The following AGBL1 variants were observed in gnomAD, a reference collection of about 807,000 sequenced individuals.
The protein encoded by AGBL1 is cytosolic carboxypeptidase 4.
AGBL1 carries 130 observed loss-of-function variants against 118.9 expected under a neutral mutation model. The observed-to-expected ratio is 1.09, with a 90% CI of 0.95 to 1.26. The LOEUF is 1.26. Ranked by LOEUF, AGBL1 falls within the 50% of genes most tolerant of loss-of-function variation. The pLI is 0.00. For synonymous variants in AGBL1, 555 were observed against 478.9 expected, an observed-to-expected ratio of 1.16 and a Z score of -2.08; for missense variants, 1,584 against 1,298.1, an observed-to-expected ratio of 1.22 and a Z score of -3.38.
At position 86,814,718 on chromosome 15, in the gene AGBL1, G is replaced by A. The variant is rs149824008; in HGVS notation, c.3159-92369G>A. Among the ~76,000 whole-genome samples the A allele has an allele frequency of 2.0e-5, 3 of 152,248 alleles. No homozygotes were observed. In the East Asian group the frequency reaches 5.8e-4, roughly 30 times the overall value. ...ATATCAGGCCAACATCCAGGGAAAGGTCTAGGTTTATTTTAGTCCTCGAGG... is the reference window on the plus strand; with the variant it reads ...ATATCAGGCCAACATCCAGGGAAAGATCTAGGTTTATTTTAGTCCTCGAGG... On this transcript the variant is annotated intron_variant, in intron 22 of 22. Transcript: ENST00000614907.
intron 22 of AGBL1, among the ~76,000 whole-genome samples, chr15:86,692,938 T>TTGTTCCTTTTTATGGAACAAATTAATA (rs2086197462): frequency 6.6e-6 from 1 of 152,190 alleles, no homozygotes; most frequent in Non-Finnish European, 1.5e-5. Context: ...TGCCATTAAT[T>TTGTTCCTTTTTATGGAACAAATTAATA]TGTTCCTTTT....
chr15:86,925,186 G>GAAGAGGAAGAA (rs1555463597), intron 23 of AGBL1, among the ~76,000 whole-genome samples: 14,377 of 137,716 alleles, frequency 0.1, 1,236 homozygotes, highest in South Asian at 0.21. Context: ...AGAGGAAGAG[G>GAAGAGGAAGAA]AAGAAAAGAA....
At chr15:86,454,463 G>A (rs556250176) in intron 18 of AGBL1, among the ~76,000 whole-genome samples, 8 of 152,202 alleles carry the variant, frequency 5.3e-5, no homozygotes, top group Admixed American at 3.9e-4. Context: ...CATAGCAGTT[G>A]TACTCATAAT....
chr15:86,277,318 ATGTGTGTGTGTG>A (rs5814232), intron 15 of AGBL1, among the ~76,000 whole-genome samples: 1 of 147,692 alleles, frequency 6.8e-6, no homozygotes, highest in Non-Finnish European at 1.5e-5. Flanking sequence ...GTGTGTGTGT[ATGTGTGTGTGTG>A]TGTGTGTGTA....
At chr15:86,224,531 A>G (rs966180774) in intron 5 of AGBL1, among the ~76,000 whole-genome samples, 2 of 152,120 alleles carry the variant, frequency 1.3e-5, no homozygotes, top group Non-Finnish European at 2.9e-5. Flanking sequence ...ACTCCTTCCC[A>G]GACCATCCTC....
At chr15:86,842,657 T>C (rs2079262109) in intron 22 of AGBL1, among the ~76,000 whole-genome samples, 1 of 152,186 alleles carries the variant, frequency 6.6e-6, no homozygotes, top group Admixed American at 6.5e-5. Context: ...GTATGCTTCA[T>C]GCTGGTGGGC....
intron 20 of AGBL1, among the ~76,000 whole-genome samples, chr15:86,546,575 C>A (rs2346724): frequency 6.6e-6 from 1 of 151,874 alleles, no homozygotes; most frequent in African/African-American, 2.4e-5. Flanking sequence ...ATACTGAATA[C>A]AAAAGGACTT....
intron 24 of AGBL1, among the ~76,000 whole-genome samples, chr15:87,019,260 A>G (rs1163950583): frequency 6.6e-6 from 1 of 152,284 alleles, no homozygotes; most frequent in Middle Eastern, 3.4e-3. Flanking sequence ...TCGGCTCTGG[A>G]TCAAGTGGAC....
At chr15:86,273,052 C>G (rs1401417987) in intron 15 of AGBL1, among the ~76,000 whole-genome samples, 1 of 152,190 alleles carries the variant, frequency 6.6e-6, no homozygotes, top group Non-Finnish European at 1.5e-5. Context: ...AATAGTTATT[C>G]TCAGTAAATC....
At chr15:86,962,020 A>T (rs1036678853) in intron 23 of AGBL1, among the ~76,000 whole-genome samples, 7 of 152,084 alleles carry the variant, frequency 4.6e-5, no homozygotes, top group Non-Finnish European at 1.0e-4. Context: ...ACACTAAACA[A>T]ATCTCTTGTG....
At chr15:86,646,792 G>A (rs1239576710) in intron 21 of AGBL1, among the ~76,000 whole-genome samples, 1 of 152,148 alleles carries the variant, frequency 6.6e-6, no homozygotes, top group East Asian at 1.9e-4. Flanking sequence ...AAAATGGAAC[G>A]ATTCTGCCTT....
At chr15:86,757,506 G>C (rs2141265055) in intron 22 of AGBL1, among the ~76,000 whole-genome samples, 1 of 152,160 alleles carries the variant, frequency 6.6e-6, no homozygotes, top group South Asian at 2.1e-4. Context: ...GGCACTATTG[G>C]GAAGGATTTA....
chr15:86,335,332 G>T (rs1289768728), intron 17 of AGBL1, among the ~76,000 whole-genome samples: 1 of 152,056 alleles, frequency 6.6e-6, no homozygotes, highest in African/African-American at 2.4e-5. Context: ...TAGAGATGGG[G>T]TTTCACTGTG....
chr15:86,132,799 C>T (rs1425040434), intron 1 of AGBL1, among the ~76,000 whole-genome samples: 1 of 152,076 alleles, frequency 6.6e-6, no homozygotes, highest in Non-Finnish European at 1.5e-5. Flanking sequence ...GCAATCTCAC[C>T]CTCTTGAGAT....
intron 23 of AGBL1, among the ~76,000 whole-genome samples, chr15:86,929,154 T>C (rs1294188873): frequency 6.6e-6 from 1 of 152,176 alleles, no homozygotes; most frequent in East Asian, 1.9e-4. Context: ...TCTTTCCTAT[T>C]TGGTTTTCAT....
At chr15:86,343,562 T>A (rs775823322) in intron 17 of AGBL1, among the ~76,000 whole-genome samples, 1 of 152,164 alleles carries the variant, frequency 6.6e-6, no homozygotes, top group Non-Finnish European at 1.5e-5. Flanking sequence ...AGATGCCTCA[T>A]GGTAGAGTGG....
intron 21 of AGBL1, among the ~76,000 whole-genome samples, chr15:86,594,954 G>A (rs548508666): frequency 8.6e-5 from 13 of 152,042 alleles, no homozygotes; most frequent in Non-Finnish European, 1.8e-4. Flanking sequence ...TATGTCTTTC[G>A]TCCTTGTTTC....
At chr15:86,357,390 C>T (rs753530167) in intron 17 of AGBL1, among the ~76,000 whole-genome samples, 10 of 152,084 alleles carry the variant, frequency 6.6e-5, no homozygotes, top group East Asian at 1.9e-4. Flanking sequence ...ATAGAATTGG[C>T]GCAACATTGG....
chr15:86,617,283 A>C (rs976891944), intron 21 of AGBL1, among the ~76,000 whole-genome samples: 2 of 152,216 alleles, frequency 1.3e-5, no homozygotes, highest in African/African-American at 4.8e-5. Flanking sequence ...TCGATAGCCA[A>C]CAATAATATT....
Sources: allele counts gnomAD v4.1 joint callset (sites outside exome capture counted in the v4.1 genomes callset), GRCh38; gene constraint gnomAD v4.1.1; transcripts MANE v1.5; gene names NCBI Gene and HGNC (gene_info 2026-07-23, HGNC 2026-07-21).